The following NUSAP1 variants were observed in gnomAD, a reference collection of about 807,000 sequenced individuals.
NUSAP1 encodes nucleolar and spindle associated protein 1.
A neutral mutation model predicts 52.8 loss-of-function variants in NUSAP1; 32 were observed. The observed-to-expected ratio is 0.61, with a 90% CI of 0.46 to 0.81. The LOEUF is 0.81. Ranked by LOEUF, NUSAP1 falls within the 40% of genes least tolerant of loss-of-function variation. The probability of loss-of-function intolerance (pLI) is 0.00; values close to 1 mark genes in which losing one functional copy is unlikely to be tolerated. For synonymous variants in NUSAP1, 195 were observed against 183.1 expected, an observed-to-expected ratio of 1.06 and a Z score of -0.52; for missense variants, 499 against 522.3, an observed-to-expected ratio of 0.96 and a Z score of 0.43.
chr15:41,365,453 A>G lies in NUSAP1; in HGVS notation c.712A>G (p.Arg238Gly). 6.2e-7 allele frequency: 1 copy of G among 1,613,118 alleles called. No individual in the cohort carries two copies. ...CAGGACTCCAGTACCTCCAAGAGGA[A>G]GACTCTCTGTGGCTTCTACTCCCAT... is the stretch of plus-strand genomic sequence containing the variant. ...GVRTPVPPRG[R>G]LSVASTPISQ... The change falls in exon 7 of 11, where the codon AGA becomes GGA. Residue 238 changes from arginine (R) to glycine (G), a missense_variant. Transcript: ENST00000559596.
chr15:41,333,165 C>A (rs2047982255), intron 1 of NUSAP1, 115 bp downstream of exon 1: 1 of 742,692 alleles, frequency 1.3e-6, no homozygotes, highest in Non-Finnish European at 2.3e-6. Context: ...CTCTCCCTGC[C>A]CCTCGGGCAG....
At chr15:41,377,367 T>C (rs1204724323) in intron 10 of NUSAP1, 63 bp downstream of exon 10, 2 of 861,258 alleles carry the variant, frequency 2.3e-6, no homozygotes, top group Non-Finnish European at 1.8e-6. Flanking sequence ...CTCTGAGGGA[T>C]AGGGGCTCAG....
intron 4 of NUSAP1, among the ~76,000 whole-genome samples, chr15:41,353,150 CTTTGT>C (rs892295214): frequency 6.6e-6 from 1 of 151,848 alleles, no homozygotes; most frequent in African/African-American, 2.4e-5. Flanking sequence ...AATATCCTTT[CTTTGT>C]TTTGTTTTGT....
chr15:41,374,725 C>T lies in NUSAP1; in HGVS notation c.1007-987C>T, dbSNP rs113324320. Among the ~76,000 whole-genome samples the T allele has an allele frequency of 7.1e-3, 1,086 of 152,146 alleles. 19 individuals carry two copies. Among genetic ancestry groups the T allele is most frequent in the African/African-American group, 0.024 (1,009 of 41,488 alleles). On this transcript the variant is annotated intron_variant, in intron 8 of 10. Transcript: ENST00000559596. ...GTATTTTAGTAGACACGGAGTTTCA[C>T]TATGTTGGCCAGGATGGTCTCGCTC... is the stretch of plus-strand genomic sequence containing the variant.
intron 3 of NUSAP1, 64 bp from the exon 4 acceptor site, chr15:41,350,924 A>T: frequency 1.4e-6 from 2 of 1,422,544 alleles, no homozygotes; most frequent in East Asian, 2.3e-5. Context: ...TTTGGTACTT[A>T]TCTTTGGAAG....
intron 8 of NUSAP1, among the ~76,000 whole-genome samples, 179 bp from the exon 9 acceptor site, chr15:41,375,533 G>C (rs984293350): frequency 6.6e-6 from 1 of 151,982 alleles, no homozygotes; most frequent in African/African-American, 2.4e-5. Context: ...GGATGGTCTT[G>C]ATCTCCTGAC....
At chr15:41,339,902 C>A (rs1045001163) in intron 1 of NUSAP1, among the ~76,000 whole-genome samples, 1 of 152,098 alleles carries the variant, frequency 6.6e-6, no homozygotes, top group East Asian at 1.9e-4. Flanking sequence ...CCGCCTCAGC[C>A]TCCTGAGTAG....
chr15:41,334,583 A>G (rs1012118150), intron 1 of NUSAP1, among the ~76,000 whole-genome samples: 1 of 152,196 alleles, frequency 6.6e-6, no homozygotes, highest in Non-Finnish European at 1.5e-5. Context: ...TTTGCTGCCT[A>G]GCTAGAATCT....
At chr15:41,370,206 C>T (rs1006231486) in intron 7 of NUSAP1, among the ~76,000 whole-genome samples, 1 of 151,412 alleles carries the variant, frequency 6.6e-6, no homozygotes, top group African/African-American at 2.4e-5. Context: ...ACAGTGAAAC[C>T]CCGTCTCTAC....
Position 41,337,776 on chromosome 15 carries a change from C to T in NUSAP1, c.94-4610C>T, listed in dbSNP as rs7181340. Among the ~76,000 whole-genome samples the T allele has an allele frequency of 6.2e-3, 941 of 152,210 alleles. 14 individuals are homozygous for T. The highest frequency in any genetic ancestry group is 0.021 in the African/African-American group (885 of 41,552). ...TGATATTTCACGCTGTCCTGCCTTA[C>T]TAGCACTTCTTTCTAGTCTCCTTGG... On this transcript the variant is annotated intron_variant, in intron 1 of 10. Coordinates refer to ENST00000559596, the MANE Select transcript of NUSAP1 (RefSeq NM_016359.5).
At chr15:41,336,290 A>T (rs997436149) in intron 1 of NUSAP1, among the ~76,000 whole-genome samples, 5 of 150,580 alleles carry the variant, frequency 3.3e-5, no homozygotes, top group Non-Finnish European at 7.4e-5. Flanking sequence ...TAATAATAAT[A>T]ATAATAAATA....
intron 8 of NUSAP1, among the ~76,000 whole-genome samples, chr15:41,371,913 G>T (rs1021420703): frequency 1.3e-5 from 2 of 152,018 alleles, no homozygotes; most frequent in Admixed American, 1.3e-4. Context: ...TGGGACTACA[G>T]ACACATGCCA....
At position 41,355,974 on chromosome 15, in the gene NUSAP1, G is replaced by A. The variant is rs1026726696; in HGVS notation, c.449-65G>A. On this transcript the variant is annotated intron_variant, in intron 4 of 10. Transcript: ENST00000559596. ...ATTACAGGCGTGAGCTACCGTGCCC[G>A]GCCACATATTTCTTAATGAGAACTT... The A allele has an allele frequency of 3.2e-5, 32 of 1,010,678 alleles. No homozygotes were observed. The African/African-American group carries it at 4.0e-4, about 13-fold the overall frequency. 62.6% of individuals were successfully genotyped at this position (1,010,678 alleles called of 1,614,324 possible).
At chr15:41,354,789 C>T (rs1302070594) in intron 4 of NUSAP1, among the ~76,000 whole-genome samples, 4 of 151,150 alleles carry the variant, frequency 2.6e-5, no homozygotes, top group Non-Finnish European at 4.4e-5. Flanking sequence ...GAGGTTGAGG[C>T]AGGCAGATCA....
rs942330718 is a variant in NUSAP1, at chr15:41,380,041, G to C, written c.1233-52G>C. The C allele has an allele frequency of 4.5e-6, 6 of 1,326,248 alleles. No individual in the cohort carries two copies. In the African/African-American group the frequency reaches 8.9e-5, roughly 20 times the overall value. 82.2% of individuals were successfully genotyped at this position (1,326,248 alleles called of 1,614,324 possible). A position where few individuals can be genotyped will look rare whatever the true frequency, so the allele number is the denominator to read the frequency against. The stretch of plus-strand genomic sequence containing the variant: ...TTAGTCCAACAATAGTTGCTTTAAA[G>C]TATCTGTTTTGGAGCCTCCCTAGAG... On this transcript the variant is annotated intron_variant, in intron 10 of 10. Transcript: ENST00000559596.
intron 10 of NUSAP1, among the ~76,000 whole-genome samples, chr15:41,377,810 G>C (rs1213608463): frequency 1.3e-5 from 2 of 150,442 alleles, no homozygotes; most frequent in Admixed American, 6.7e-5. Context: ...GACCATCCTG[G>C]CTAACGCATT....
In NUSAP1 at chr15:41,380,382, T is replaced by G. The variant is rs141105773; in HGVS notation, c.*196T>G. Reference sequence around the variant, plus strand: ...TTATCACCTTAAAGCTCAAATTCTTTGGGATGGTTTTTACTTAAGTCCATT... The same window carrying G: ...TTATCACCTTAAAGCTCAAATTCTTGGGGATGGTTTTTACTTAAGTCCATT... On this transcript the variant is annotated 3_prime_UTR_variant, in exon 11 of 11. Transcript: ENST00000559596. 8,738 of 416,040 alleles carry G rather than the reference T, an allele frequency of 0.021. 141 individuals are homozygous for G. The highest frequency in any genetic ancestry group is 0.028 in the Non-Finnish European group (6,447 of 230,866). 25.8% of individuals were successfully genotyped at this position (416,040 alleles called of 1,614,324 possible). A position where few individuals can be genotyped will look rare whatever the true frequency, so the allele number is the denominator to read the frequency against.
intron 6 of NUSAP1, among the ~76,000 whole-genome samples, chr15:41,361,604 G>T (rs1351449009): frequency 1.3e-5 from 2 of 152,072 alleles, no homozygotes; most frequent in African/African-American, 2.4e-5. Flanking sequence ...TTGTAATATG[G>T]ATGACATAAT....
chr15:41,355,030 A>G (rs2048913673), intron 4 of NUSAP1, among the ~76,000 whole-genome samples: 2 of 151,734 alleles, frequency 1.3e-5, no homozygotes, highest in African/African-American at 4.8e-5. Context: ...AAAAAAAAAA[A>G]ATAGAGACAG....
Sources: allele counts gnomAD v4.1 joint callset (sites outside exome capture counted in the v4.1 genomes callset), GRCh38; gene constraint gnomAD v4.1.1; transcripts MANE v1.5; gene names NCBI Gene and HGNC (gene_info 2026-07-23, HGNC 2026-07-21).